Variants in ADCK1 observed in about 807,000 individuals in gnomAD.
ADCK1 encodes aarF domain containing kinase 1.
A neutral mutation model predicts 52.3 loss-of-function variants in ADCK1; 41 were observed. The observed-to-expected ratio is 0.78, with a 90% CI of 0.61 to 1.02. ADCK1 has a LOEUF of 1.02. Ranked by LOEUF, ADCK1 falls within the 50% of genes least tolerant of loss-of-function variation. The probability of loss-of-function intolerance (pLI) is 0.00; values close to 1 mark genes in which losing one functional copy is unlikely to be tolerated. For missense variants in ADCK1, 658 were observed against 679.5 expected (o/e 0.97, Z 0.35); for synonymous variants, 250 against 274.6 (o/e 0.91, Z 0.89).
At chr14:77,825,640 G>GTTTTT (rs11311915) in intron 3 of ADCK1, among the ~76,000 whole-genome samples, 1 of 137,394 alleles carries the variant, frequency 7.3e-6, no homozygotes. Flanking sequence ...GAAATGTTAG[G>GTTTTT]TTTTTTTTTT....
intron 7 of ADCK1, among the ~76,000 whole-genome samples, chr14:77,915,248 A>G (rs1329900963): frequency 1.3e-5 from 2 of 150,946 alleles, no homozygotes; most frequent in South Asian, 2.1e-4. Context: ...TTAGTTACAT[A>G]TGTATACATG....
intron 4 of ADCK1, 55 bp downstream of exon 4, chr14:77,859,334 C>T: frequency 6.5e-7 from 1 of 1,543,846 alleles, no homozygotes; most frequent in Non-Finnish European, 8.8e-7. Context: ...AGAAAAGGCC[C>T]CGGCTGAATT....
intron 1 of ADCK1, among the ~76,000 whole-genome samples, chr14:77,816,394 G>A (rs1259824095): frequency 1.3e-5 from 2 of 149,794 alleles, no homozygotes; most frequent in Non-Finnish European, 3.0e-5. Flanking sequence ...CTGCCCCAAG[G>A]CAGGATCGTG....
chr14:77,871,367 T>C (rs2082773465), intron 4 of ADCK1, among the ~76,000 whole-genome samples: 1 of 150,242 alleles, frequency 6.7e-6, no homozygotes. Flanking sequence ...AACTTCTTCT[T>C]TTTTTTTTGA....
intron 5 of ADCK1, among the ~76,000 whole-genome samples, chr14:77,889,154 A>G (rs1346218482): frequency 6.6e-6 from 1 of 152,232 alleles, no homozygotes. Context: ...CTCCCCAGCC[A>G]TGTGGAACTG....
chr14:77,834,626 G>A (rs781628818), intron 3 of ADCK1, among the ~76,000 whole-genome samples: 5 of 152,212 alleles, frequency 3.3e-5, no homozygotes, highest in African/African-American at 4.8e-5. Context: ...GGTTTTTGGT[G>A]GTATGAGCCC....
At chr14:77,812,317 C>T (rs559059629) in intron 1 of ADCK1, among the ~76,000 whole-genome samples, 5 of 152,268 alleles carry the variant, frequency 3.3e-5, no homozygotes, top group East Asian at 3.9e-4. Context: ...TGGTAACCAC[C>T]GTTCTAACCT....
chr14:77,850,648 CTTTTT>C (rs58373247), intron 3 of ADCK1, among the ~76,000 whole-genome samples: 4 of 107,970 alleles, frequency 3.7e-5, no homozygotes, highest in Admixed American at 1.0e-4. Context: ...CATGATATAT[CTTTTT>C]TTTTTTTTTT....
Position 77,907,905 on chromosome 14 carries a change from A to T in ADCK1, c.844A>T (p.Ile282Phe). The T allele has an allele frequency of 6.2e-7, 1 of 1,613,826 alleles. No homozygotes were observed. The highest frequency in any genetic ancestry group is 1.1e-5 in the South Asian group (1 of 91,046). ...CAGAGACTACATGGAGAGGAACAAGATCGACGTCAATGAGGTGAGGTCAAG... is the reference window on the plus strand; with the variant it reads ...CAGAGACTACATGGAGAGGAACAAGTTCGACGTCAATGAGGTGAGGTCAAG... ...NDRDYMERNK[I>F]DVNEISRHLG... Residue 282 changes from isoleucine (I) to phenylalanine (F), a missense_variant, in exon 7 of 11, where the codon ATC becomes TTC. Transcript: ENST00000238561.
At chr14:77,844,307 T>A (rs1171025862) in intron 3 of ADCK1, among the ~76,000 whole-genome samples, 4 of 152,154 alleles carry the variant, frequency 2.6e-5, no homozygotes, top group African/African-American at 7.2e-5. Flanking sequence ...GATCTTGATC[T>A]CCTGACCACG....
At chr14:77,844,962 C>T (rs1306974413) in intron 3 of ADCK1, among the ~76,000 whole-genome samples, 2 of 152,184 alleles carry the variant, frequency 1.3e-5, no homozygotes, top group East Asian at 3.8e-4. Context: ...ATGTGTGCCA[C>T]GGGCACAGTA....
At chr14:77,849,730 G>A (rs2082245209) in intron 3 of ADCK1, among the ~76,000 whole-genome samples, 1 of 152,072 alleles carries the variant, frequency 6.6e-6, no homozygotes, top group African/African-American at 2.4e-5. Flanking sequence ...AGGATTACAG[G>A]CATGAGCCAC....
At chr14:77,893,356 T>A (rs781089790) in intron 5 of ADCK1, among the ~76,000 whole-genome samples, 2 of 152,060 alleles carry the variant, frequency 1.3e-5, no homozygotes, top group Middle Eastern at 3.2e-3. Flanking sequence ...TTCTCACTGC[T>A]TGAGGGCAGG....
At chr14:77,903,838 A>G (rs1211049686) in intron 6 of ADCK1, among the ~76,000 whole-genome samples, 2 of 152,202 alleles carry the variant, frequency 1.3e-5, no homozygotes, top group Admixed American at 6.5e-5. Flanking sequence ...AATCTCAAAG[A>G]TTAGGAACTA....
intron 3 of ADCK1, among the ~76,000 whole-genome samples, chr14:77,848,497 G>C (rs919033237): frequency 6.6e-6 from 1 of 152,100 alleles, no homozygotes; most frequent in Non-Finnish European, 1.5e-5. Flanking sequence ...ATGGAGTTTT[G>C]CTGTGTGGCC....
chr14:77,858,395 C>T (rs545969393), intron 3 of ADCK1, among the ~76,000 whole-genome samples: 1 of 152,148 alleles, frequency 6.6e-6, no homozygotes, highest in East Asian at 1.9e-4. Context: ...CGCCACCATG[C>T]CTGGATAATT....
rs572868740 is a variant in ADCK1, at chr14:77,909,054, G to T, written c.858+1135G>T. Among the ~76,000 whole-genome samples the T allele has an allele frequency of 2.6e-5, 4 of 152,160 alleles. No individual in the cohort carries two copies. The East Asian group carries it at 7.7e-4, about 29-fold the overall frequency. ...CACTGTGGAGTCACTTCAGGGTTTT[G>T]GGGAGTGCAGCAACATGTTCTGCCC... On this transcript the variant is annotated intron_variant, in intron 7 of 10. Transcript: ENST00000238561.
At chr14:77,886,907 AAC>A (rs59174310) in intron 4 of ADCK1, among the ~76,000 whole-genome samples, 182 bp from the exon 5 acceptor site, 83 of 123,940 alleles carry the variant, frequency 6.7e-4, no homozygotes, top group South Asian at 1.3e-3. Flanking sequence ...ACTCTGTCTC[AAC>A]ACACACACAC....
intron 3 of ADCK1, among the ~76,000 whole-genome samples, chr14:77,852,877 A>G (rs1351549234): frequency 2.4e-5 from 1 of 42,182 alleles, no homozygotes; most frequent in Non-Finnish European, 4.3e-5. Flanking sequence ...CTAATCTTTT[A>G]TGTGTGTATA....
Sources: gnomAD v4.1 joint callset for allele counts (sites outside exome capture counted in the v4.1 genomes callset) on GRCh38, gnomAD v4.1.1 for gene constraint, MANE v1.5 for transcripts, NCBI Gene and HGNC (gene_info 2026-07-23, HGNC 2026-07-21) for gene names.